The following CASK variants were observed in gnomAD, a reference collection of about 807,000 sequenced individuals.
The protein encoded by CASK is peripheral plasma membrane protein CASK.
CASK carries 4 observed loss-of-function variants against 82.9 expected under a neutral mutation model. The observed-to-expected ratio is 0.05, with a 90% confidence interval of 0.02 to 0.11. The LOEUF (loss-of-function observed/expected upper bound fraction) is 0.11, where lower values mean the gene tolerates loss of function less well. Among genes scored for constraint, CASK ranks in the 10% least tolerant of loss-of-function variants. The pLI, the probability that CASK is intolerant of heterozygous loss-of-function variation, is 1.00. For missense variants in CASK, 358 were observed against 720.9 expected, an observed-to-expected ratio of 0.50 and a Z score of 5.76; for synonymous variants, 259 against 253.5, an observed-to-expected ratio of 1.02 and a Z score of -0.20.
chrX:41,534,761 G>A lies in CASK; in HGVS notation c.2262C>T (p.His754=). 1 of 1,208,660 alleles carries A rather than the reference G, an allele frequency of 8.3e-7. No individual in the cohort carries two copies. The highest frequency in any genetic ancestry group is 1.1e-6 in the Non-Finnish European group (1 of 892,835). The change falls in exon 24 of 27, where the codon CAC becomes CAT. Residue 754 remains histidine, a synonymous_variant. Coordinates refer to ENST00000378163, the MANE Select transcript of CASK (RefSeq NM_001367721.1). The stretch of plus-strand genomic sequence containing the variant: ...GCTTTGTGATGAGAGTGTTTTTTAT[G>A]TGTCTTCTCCCAACACCATGTGCGC... ...LLGAHGVGRR[H]IKNTLITKHP...
intron 1 of CASK, among the ~76,000 whole-genome samples, chrX:41,881,609 G>A (rs2071954690): frequency 9.0e-6 from 1 of 111,272 alleles, no homozygotes; most frequent in Admixed American, 9.6e-5. Flanking sequence ...TTTCCAAAAA[G>A]CTTCATGACA....
At chrX:41,680,903 G>A (rs989470318) in intron 5 of CASK, among the ~76,000 whole-genome samples, 2 of 109,661 alleles carry the variant, frequency 1.8e-5, no homozygotes, top group African/African-American at 3.3e-5. Context: ...CAACAAGAGC[G>A]AAACTCGGTC....
chrX:41,707,716 C>T, intron 5 of CASK, among the ~76,000 whole-genome samples: 1 of 111,193 alleles, frequency 9.0e-6, no homozygotes, highest in African/African-American at 3.3e-5. Context: ...GAGAGAGAGA[C>T]AGAATGTACC....
intron 12 of CASK, among the ~76,000 whole-genome samples, chrX:41,606,226 T>C (rs1159722072): frequency 1.0e-5 from 1 of 98,249 alleles, no homozygotes; most frequent in Non-Finnish European, 2.0e-5. Context: ...GTTTATTTCA[T>C]TCATGATGAT....
chrX:41,701,957 T>C (rs2067801094), intron 5 of CASK, among the ~76,000 whole-genome samples: 2 of 112,553 alleles, frequency 1.8e-5, no homozygotes, highest in Admixed American at 1.9e-4. Flanking sequence ...TGCTTTTCAC[T>C]TTTGTTTAGT....
chrX:41,727,459 A>G lies in CASK; in HGVS notation c.429+11925T>C, dbSNP rs1397661574. 1.7e-6 allele frequency: 2 copies of G among 1,209,223 alleles called. 1 individual carries two copies. The highest frequency in any genetic ancestry group is 3.5e-5 in the South Asian group (2 of 56,957). Reference sequence around the variant, plus strand: ...AATATTTTATGGCCATTTACTGAAAAAATTTCGCCAGCCCAACTTTGCTAG... The same window carrying G: ...AATATTTTATGGCCATTTACTGAAAGAATTTCGCCAGCCCAACTTTGCTAG... On this transcript the variant is annotated intron_variant, in intron 5 of 26. Transcript: ENST00000378163.
At chrX:41,772,816 A>G (rs756734404) in intron 3 of CASK, among the ~76,000 whole-genome samples, 14 of 110,946 alleles carry the variant, frequency 1.3e-4, no homozygotes, top group African/African-American at 4.6e-4. Context: ...CCTGGTTAAC[A>G]TGGTGAAACC....
chrX:41,700,931 CAAAAAAAA>C (rs1215266415), intron 5 of CASK, among the ~76,000 whole-genome samples: 1 of 37,129 alleles, frequency 2.7e-5, no homozygotes, highest in Non-Finnish European at 4.3e-5. Flanking sequence ...GACTCCGTCT[CAAAAAAAA>C]AAAAAAAAAA....
intron 4 of CASK, 112 bp downstream of exon 4, chrX:41,745,412 C>G: frequency 1.8e-5 from 10 of 559,118 alleles, no homozygotes; most frequent in Non-Finnish European, 3.1e-5. Context: ...AGAGATGTTC[C>G]CTGTAGCAAA....
chrX:41,611,332 C>T (rs1471998737), intron 11 of CASK, among the ~76,000 whole-genome samples: 2 of 111,383 alleles, frequency 1.8e-5, no homozygotes, highest in East Asian at 5.6e-4. Flanking sequence ...TTCCAGAAAG[C>T]AATCTGGTAA....
At chrX:41,561,875 T>C (rs1251242636) in intron 16 of CASK, 3 of 360,153 alleles carry the variant, frequency 8.3e-6, no homozygotes, top group Middle Eastern at 1.6e-3. Context: ...TGCAGAAATC[T>C]ATTTTTCTGA....
rs1391054241 is a variant in CASK, at chrX:41,520,502, T to A, written c.2699A>T (p.Asp900Val). The A allele has an allele frequency of 2.5e-6, 3 of 1,202,780 alleles. No homozygotes were observed. Among genetic ancestry groups the A allele is most frequent in the East Asian group, 3.0e-5 (1 of 33,769 alleles). Residue 900 changes from aspartate (D) to valine (V), a missense_variant, in exon 27 of 27, where the codon GAT (aspartate) becomes GTT (valine). This residue lies in a region of CASK where 118 missense variants were observed against 169.4 expected (regional missense o/e 0.70). Transcript: ENST00000378163. The stretch of plus-strand genomic sequence containing the variant: ...TTCCTCCAGATGTCTGATTGTCTCA[T>A]CAATTTCATTGTTGATAATTGTGAG... The part of the protein sequence containing the change: ...FDLTIINNEI[D>V]ETIRHLEEAV...
intron 12 of CASK, among the ~76,000 whole-genome samples, chrX:41,604,022 G>A (rs2065927882): frequency 9.0e-6 from 1 of 110,581 alleles, no homozygotes; most frequent in Non-Finnish European, 1.9e-5. Flanking sequence ...ACCTTCCAAT[G>A]TATCACATAC....
At chrX:41,800,245 T>A (rs1192263594) in intron 2 of CASK, among the ~76,000 whole-genome samples, 1 of 110,630 alleles carries the variant, frequency 9.0e-6, no homozygotes, top group African/African-American at 3.3e-5. Flanking sequence ...AGATCCACAC[T>A]GAGTAGCAGC....
chrX:41,745,064 C>T (rs1311110971), intron 4 of CASK, among the ~76,000 whole-genome samples: 1 of 112,124 alleles, frequency 8.9e-6, no homozygotes, highest in Non-Finnish European at 1.9e-5. Flanking sequence ...GTTGCCCAAG[C>T]TGGAGTGCAA....
intron 1 of CASK, among the ~76,000 whole-genome samples, chrX:41,904,682 G>C (rs545800265): frequency 1.8e-5 from 2 of 111,246 alleles, no homozygotes; most frequent in African/African-American, 3.3e-5. Flanking sequence ...CAGGGGTTTG[G>C]TGTACAGATA....
chrX:41,600,566 T>G (rs772865768), intron 12 of CASK, among the ~76,000 whole-genome samples: 9 of 112,492 alleles, frequency 8.0e-5, no homozygotes, highest in Non-Finnish European at 1.7e-4. Context: ...ACACTGATAC[T>G]GGTGACAAGC....
rs1371106716 is a variant in CASK, at chrX:41,626,647, G to A, written c.972C>T (p.Pro324=). 3.3e-6 allele frequency: 4 copies of A among 1,207,019 alleles called. No individual in the cohort carries two copies. The highest frequency in any genetic ancestry group is 2.2e-5 in the Admixed American group (1 of 46,081). The change falls in exon 10 of 27, where the codon CCC becomes CCT. Residue 324 remains proline (P), a synonymous_variant. Transcript: ENST00000378163. The part of the protein sequence containing the change: ...SHKFNSFYGD[P]PEELPDFSED... ...CGGAGAAATCTGGTAACTCTTCAGG[G>A]GGATCCCCATAGAATGAGTTGAATT...
chrX:41,541,102 A>C (rs2147108646), intron 22 of CASK, among the ~76,000 whole-genome samples: 1 of 112,787 alleles, frequency 8.9e-6, no homozygotes. Context: ...TCTCCTTGTG[A>C]GCCTATTAGA....
Sources: allele counts gnomAD v4.1 joint callset (sites outside exome capture counted in the v4.1 genomes callset), GRCh38; gene constraint gnomAD v4.1.1; regional missense constraint gnomAD v4.1.1; transcripts MANE v1.5; gene names NCBI Gene and HGNC (gene_info 2026-07-23, HGNC 2026-07-21).